The following KIAA1549L variants were observed in gnomAD, a reference collection of about 807,000 sequenced individuals.
The protein encoded by KIAA1549L is KIAA1549 like.
In KIAA1549L, 88 loss-of-function variants were observed where a neutral mutation model predicts 160.7. The ratio of observed to expected loss-of-function variants is 0.55; its 90% CI spans 0.46 to 0.65. The LOEUF is 0.65. Among genes scored for constraint, KIAA1549L ranks in the 30% least tolerant of loss-of-function variants. KIAA1549L has a pLI of 0.00. For missense variants in KIAA1549L, 2,258 were observed against 2,437.5 expected (o/e 0.93, Z 1.55); for synonymous variants, 950 against 976.7 (o/e 0.97, Z 0.51).
chr11:33,520,306 C>A (rs910289442), intron 1 of KIAA1549L, among the ~76,000 whole-genome samples: 4 of 152,062 alleles, frequency 2.6e-5, no homozygotes, highest in African/African-American at 9.7e-5. Flanking sequence ...CTCAACAGCC[C>A]CTAGTAACCA....
intron 9 of KIAA1549L, among the ~76,000 whole-genome samples, chr11:33,570,006 CTT>C (rs34297267): frequency 1.5e-5 from 2 of 134,564 alleles, no homozygotes. Flanking sequence ...CTCTCTCTCT[CTT>C]TTTTTTTTTT....
chr11:33,581,475 A>T (rs1855643054), intron 10 of KIAA1549L, among the ~76,000 whole-genome samples: 1 of 150,794 alleles, frequency 6.6e-6, no homozygotes, highest in African/African-American at 2.5e-5. Context: ...ATGTGTGTTA[A>T]CTCGGAACCG....
intron 1 of KIAA1549L, among the ~76,000 whole-genome samples, chr11:33,439,799 A>G (rs560396587): frequency 2.0e-5 from 3 of 152,200 alleles, no homozygotes; most frequent in African/African-American, 4.8e-5. Context: ...ATCTGATGTT[A>G]AAACAGCCAC....
chr11:33,629,652 C>T (rs1851220172), intron 16 of KIAA1549L, among the ~76,000 whole-genome samples: 1 of 151,586 alleles, frequency 6.6e-6, no homozygotes, highest in African/African-American at 2.4e-5. Context: ...CTCCTTTAAG[C>T]ACTTCTCTGT....
intron 1 of KIAA1549L, among the ~76,000 whole-genome samples, chr11:33,464,963 T>C (rs1317516245): frequency 6.6e-6 from 1 of 151,908 alleles, no homozygotes; most frequent in East Asian, 1.9e-4. Flanking sequence ...CTTGGGTCTC[T>C]GAGCTCTGGC....
At chr11:33,617,789 G>GTGGATGGATGGA (rs200551250) in intron 15 of KIAA1549L, among the ~76,000 whole-genome samples, 1,534 of 149,022 alleles carry the variant, frequency 0.01, 10 homozygotes, top group East Asian at 0.018. Context: ...GGAAGCCTCG[G>GTGGATGGATGGA]TGGATGGATG....
In KIAA1549L at chr11:33,574,749, G is replaced by A; in HGVS notation, c.4278G>A (p.Leu1426=). 1.2e-6 allele frequency: 2 copies of A among 1,613,892 alleles called. No homozygotes were observed. Among genetic ancestry groups the A allele is most frequent in the Middle Eastern group, 1.6e-4 (1 of 6,062 alleles). The change falls in exon 10 of 21, where the codon CTG becomes CTA. Residue 1426 remains leucine (L), a synonymous_variant. Transcript: ENST00000658780. ...CAGGCCCGAAGGACCCAGCGGAGCT[G>A]ACTTACTATACCCTGTACAACGGGA... ...RVPGPKDPAE[L]TYYTLYNGKP...
chr11:33,608,961 A>G (rs1217158660), intron 14 of KIAA1549L, among the ~76,000 whole-genome samples: 5 of 152,244 alleles, frequency 3.3e-5, no homozygotes, highest in Non-Finnish European at 5.9e-5. Flanking sequence ...ATTCTTTTAA[A>G]GATTATTTTT....
chr11:33,537,941 G>A (rs1271035430), intron 1 of KIAA1549L, among the ~76,000 whole-genome samples: 1 of 152,136 alleles, frequency 6.6e-6, no homozygotes. Flanking sequence ...TTGATACTTT[G>A]GAATGATATG....
intron 1 of KIAA1549L, among the ~76,000 whole-genome samples, chr11:33,383,484 CT>C (rs1354869810): frequency 2.6e-5 from 4 of 152,126 alleles, no homozygotes; most frequent in Non-Finnish European, 5.9e-5. Context: ...AGTTAGCAAT[CT>C]GGGTGTTGTA....
intron 1 of KIAA1549L, among the ~76,000 whole-genome samples, chr11:33,407,115 C>G (rs1358341457): frequency 2.5e-5 from 3 of 119,430 alleles, no homozygotes; most frequent in Non-Finnish European, 4.8e-5. Context: ...GACGGAGTCT[C>G]GCTCTGTCGT....
chr11:33,578,843 C>T (rs543052254), intron 10 of KIAA1549L, among the ~76,000 whole-genome samples: 10 of 152,360 alleles, frequency 6.6e-5, no homozygotes, highest in African/African-American at 2.2e-4. Context: ...TTGCCCTCCT[C>T]ACATTGGGCC....
chr11:33,593,110 A>G (rs1456736119), intron 12 of KIAA1549L, among the ~76,000 whole-genome samples: 1 of 152,154 alleles, frequency 6.6e-6, no homozygotes, highest in East Asian at 1.9e-4. Flanking sequence ...GAGAAAAGCA[A>G]TGACATGATG....
At chr11:33,642,342 T>A (rs923324602) in intron 16 of KIAA1549L, among the ~76,000 whole-genome samples, 1 of 152,220 alleles carries the variant, frequency 6.6e-6, no homozygotes, top group Non-Finnish European at 1.5e-5. Flanking sequence ...GTTACGGTGC[T>A]GCAAAAGAAA....
intron 16 of KIAA1549L, among the ~76,000 whole-genome samples, chr11:33,640,294 T>C (rs1253914548): frequency 6.6e-6 from 1 of 152,228 alleles, no homozygotes; most frequent in Non-Finnish European, 1.5e-5. Flanking sequence ...TTACTTATAT[T>C]TTTATATGTG....
intron 9 of KIAA1549L, among the ~76,000 whole-genome samples, chr11:33,572,206 T>C (rs1036215279): frequency 2.6e-5 from 4 of 152,032 alleles, no homozygotes; most frequent in Non-Finnish European, 5.9e-5. Context: ...CCAGCTAATT[T>C]TTGTATTTTT....
chr11:33,620,584 C>T (rs1054900170), intron 16 of KIAA1549L, among the ~76,000 whole-genome samples: 4 of 152,152 alleles, frequency 2.6e-5, no homozygotes, highest in African/African-American at 9.7e-5. Context: ...TAGTTACCAG[C>T]CAAGTAGATG....
chr11:33,451,089 G>C (rs1851712303), intron 1 of KIAA1549L: 1 of 152,192 alleles, frequency 6.6e-6, no homozygotes, highest in African/African-American at 2.4e-5. Flanking sequence ...GGCCACTTCT[G>C]TTGGTAGTGA....
At chr11:33,555,076 A>G (rs1405285272) in intron 6 of KIAA1549L, among the ~76,000 whole-genome samples, 7 of 152,178 alleles carry the variant, frequency 4.6e-5, no homozygotes, top group Non-Finnish European at 1.5e-5. Context: ...GCTAGTCTTA[A>G]GTATACATCA....
Sources: allele counts gnomAD v4.1 joint callset (sites outside exome capture counted in the v4.1 genomes callset), GRCh38; gene constraint gnomAD v4.1.1; transcripts MANE v1.5; gene names NCBI Gene and HGNC (gene_info 2026-07-23, HGNC 2026-07-21).